The following MED13L variants were observed in gnomAD, a reference collection of about 807,000 sequenced individuals.
MED13L encodes mediator of RNA polymerase II transcription subunit 13-like.
MED13L carries 7 observed loss-of-function variants against 220.9 expected under a neutral mutation model. That is an observed-to-expected ratio of 0.03 (90% CI 0.02 to 0.06). The LOEUF is 0.06. Among genes scored for constraint, MED13L ranks in the 10% least tolerant of loss-of-function variants. MED13L has a pLI of 1.00. For missense variants in MED13L, 1,965 were observed against 2,760.5 expected (o/e 0.71, Z 6.46); for synonymous variants, 1,011 against 1,015.2 (o/e 1.00, Z 0.08).
chr12:116,168,140 G>A (rs998579953), intron 2 of MED13L, among the ~76,000 whole-genome samples: 2 of 151,888 alleles, frequency 1.3e-5, no homozygotes, highest in Admixed American at 6.6e-5. Context: ...ACTACCAGAA[G>A]TATGAAACAA....
chr12:116,183,246 T>G (rs569981461), intron 2 of MED13L, among the ~76,000 whole-genome samples: 10 of 152,214 alleles, frequency 6.6e-5, no homozygotes, highest in African/African-American at 2.4e-4. Context: ...GCAGATTGTA[T>G]GTGTGCCAAA....
chr12:116,080,762 A>T (rs1779933991), intron 4 of MED13L, among the ~76,000 whole-genome samples: 1 of 152,246 alleles, frequency 6.6e-6, no homozygotes, highest in Non-Finnish European at 1.5e-5. Context: ...AGTGCTCACC[A>T]GGCATATACA....
chr12:116,065,783 T>A (rs1400292709), intron 4 of MED13L, among the ~76,000 whole-genome samples: 1 of 152,220 alleles, frequency 6.6e-6, no homozygotes, highest in East Asian at 1.9e-4. Flanking sequence ...TCAGATACAT[T>A]ATTTTATTGC....
chr12:116,018,335 T>TAGTGGCAATTA (rs1205653944), intron 7 of MED13L, among the ~76,000 whole-genome samples: 8 of 152,356 alleles, frequency 5.3e-5, no homozygotes, highest in Non-Finnish European at 8.8e-5. Context: ...GCCCACTAAT[T>TAGTGGCAATTA]GCCAAGAATT....
intron 2 of MED13L, chr12:116,231,941 T>C (rs1242255451): frequency 4.1e-6 from 1 of 243,126 alleles, no homozygotes; most frequent in Non-Finnish European, 6.6e-6. Flanking sequence ...AATTGTAGAC[T>C]GTAATCTATA....
intron 2 of MED13L, among the ~76,000 whole-genome samples, chr12:116,188,276 A>C (rs1160680747): frequency 6.6e-6 from 1 of 152,192 alleles, no homozygotes; most frequent in Non-Finnish European, 1.5e-5. Context: ...TTTGAGCATA[A>C]GTATTCATGT....
chr12:115,985,630 AT>A (rs1442158420), intron 19 of MED13L, among the ~76,000 whole-genome samples: 1 of 152,230 alleles, frequency 6.6e-6, no homozygotes, highest in Non-Finnish European at 1.5e-5. Flanking sequence ...TGTGGCACTT[AT>A]TCTTCAAAGA....
intron 2 of MED13L, among the ~76,000 whole-genome samples, chr12:116,119,904 T>C (rs556399834): frequency 7.0e-6 from 1 of 143,386 alleles, no homozygotes; most frequent in Non-Finnish European, 1.5e-5. Context: ...TCTTAAGAAT[T>C]TGTAGTCAAA....
At chr12:115,996,878 C>G (rs1473769128) in intron 15 of MED13L, 132 bp downstream of exon 15, 1 of 1,100,468 alleles carries the variant, frequency 9.1e-7, no homozygotes, top group Non-Finnish European at 1.4e-6. Context: ...TGGTGTGCCT[C>G]ATGTTCTAAT....
intron 2 of MED13L, among the ~76,000 whole-genome samples, chr12:116,126,145 C>G (rs886814995): frequency 6.6e-6 from 1 of 152,152 alleles, no homozygotes; most frequent in African/African-American, 2.4e-5. Context: ...ATGACCTAAA[C>G]ACACCAACAC....
intron 4 of MED13L, among the ~76,000 whole-genome samples, chr12:116,066,158 T>C (rs1223660627): frequency 2.0e-5 from 3 of 152,164 alleles, no homozygotes; most frequent in African/African-American, 7.2e-5. Context: ...CATTTCCTTC[T>C]AAATAATAAG....
chr12:116,245,630 G>T (rs1813265494), intron 1 of MED13L, among the ~76,000 whole-genome samples: 1 of 152,078 alleles, frequency 6.6e-6, no homozygotes, highest in South Asian at 2.1e-4. Flanking sequence ...TTTCAGGAGA[G>T]AATTTTTTAA....
chr12:115,979,642 A>T (rs1449147903), intron 23 of MED13L, among the ~76,000 whole-genome samples: 1 of 152,248 alleles, frequency 6.6e-6, no homozygotes, highest in Non-Finnish European at 1.5e-5. Context: ...TAAAAGTGCA[A>T]GCATTTCATA....
chr12:116,023,302 A>G (rs971587739), intron 4 of MED13L, among the ~76,000 whole-genome samples: 1 of 152,148 alleles, frequency 6.6e-6, no homozygotes, highest in Non-Finnish European at 1.5e-5. Context: ...GTCTCAAAAA[A>G]AGTGGCTTAC....
intron 4 of MED13L, among the ~76,000 whole-genome samples, chr12:116,050,950 A>AAC (rs1566031361): frequency 1.3e-5 from 2 of 151,996 alleles, no homozygotes; most frequent in Non-Finnish European, 2.9e-5. Flanking sequence ...ACAACAACAA[A>AAC]AAAAAAAACC....
At position 116,108,328 on chromosome 12, in the gene MED13L, A is replaced by G. The variant is rs549053189; in HGVS notation, c.395+3100T>C. Among the ~76,000 whole-genome samples the G allele has an allele frequency of 3.4e-5, 5 of 146,554 alleles. No individual in the cohort carries two copies. In the East Asian group the frequency reaches 8.2e-4, roughly 24 times the overall value. On this transcript the variant is annotated intron_variant, in intron 3 of 30. Coordinates refer to ENST00000281928, the MANE Select transcript of MED13L (RefSeq NM_015335.5). The stretch of plus-strand genomic sequence containing the variant: ...TGGCTTCCCTGTGTCTCATCGGAAG[A>G]ACTGTCGTGGGCCACACATAAAATA...
chr12:116,098,015 C>A (rs545359618), intron 3 of MED13L, among the ~76,000 whole-genome samples: 6 of 152,124 alleles, frequency 3.9e-5, no homozygotes, highest in African/African-American at 1.4e-4. Context: ...GAAGCCGAGG[C>A]GGGCAGATCA....
intron 17 of MED13L, among the ~76,000 whole-genome samples, chr12:115,989,492 C>T (rs914036869): frequency 6.6e-6 from 1 of 151,872 alleles, no homozygotes; most frequent in Admixed American, 6.6e-5. Flanking sequence ...TACTTTTCTC[C>T]TCCTCCTCAA....
At chr12:116,174,490 T>G (rs927332587) in intron 2 of MED13L, 3 of 151,404 alleles carry the variant, frequency 2.0e-5, no homozygotes, top group East Asian at 1.9e-4. Context: ...TTGTTTTGTT[T>G]TTTTTTTTTT....
Sources: gnomAD v4.1 joint callset for allele counts (sites outside exome capture counted in the v4.1 genomes callset) on GRCh38, gnomAD v4.1.1 for gene constraint, MANE v1.5 for transcripts, NCBI Gene and HGNC (gene_info 2026-07-23, HGNC 2026-07-21) for gene names.